The following AIMP1 variants were observed in gnomAD, a reference collection of about 807,000 sequenced individuals.
AIMP1 encodes aminoacyl tRNA synthase complex-interacting multifunctional protein 1.
A neutral mutation model predicts 33.1 loss-of-function variants in AIMP1; 24 were observed. The observed-to-expected ratio is 0.73, with a 90% CI of 0.53 to 1.02. AIMP1 has a LOEUF of 1.02. AIMP1 is among the 50% of genes least tolerant of loss of function. The probability of loss-of-function intolerance (pLI) is 0.00; values close to 1 mark genes in which losing one functional copy is unlikely to be tolerated. For missense variants in AIMP1, 367 were observed against 364.8 expected, an observed-to-expected ratio of 1.01 and a Z score of -0.05; for synonymous variants, 120 against 121.5, an observed-to-expected ratio of 0.99 and a Z score of 0.08.
intron 3 of AIMP1, 140 bp from the exon 4 acceptor site, chr4:106,327,925 CCATTTTATAGT>C: frequency 8.2e-7 from 1 of 1,221,244 alleles, no homozygotes; most frequent in Non-Finnish European, 1.1e-6. Context: ...TTTTTGGCAG[CCATTTTATAGT>C]CTCAGACAGT....
At chr4:106,320,077 T>C (rs868633689) in intron 1 of AIMP1, among the ~76,000 whole-genome samples, 81 of 152,228 alleles carry the variant, frequency 5.3e-4, no homozygotes, top group African/African-American at 2.0e-3. Flanking sequence ...TCTACAAATA[T>C]ATGTAGTTGT....
intron 6 of AIMP1, among the ~76,000 whole-genome samples, chr4:106,341,773 C>T (rs531920413): frequency 6.6e-5 from 10 of 152,228 alleles, no homozygotes; most frequent in African/African-American, 2.2e-4. Context: ...GCTATTTGCA[C>T]TCTTTCCTCA....
At chr4:106,337,424 G>T (rs1343216049) in intron 6 of AIMP1, among the ~76,000 whole-genome samples, 1 of 152,072 alleles carries the variant, frequency 6.6e-6, no homozygotes, top group Non-Finnish European at 1.5e-5. Context: ...AGATCTCATG[G>T]TTTTATAAAA....
intron 1 of AIMP1, among the ~76,000 whole-genome samples, chr4:106,323,769 A>G (rs1297512491): frequency 6.6e-6 from 1 of 152,118 alleles, no homozygotes; most frequent in East Asian, 1.9e-4. Flanking sequence ...CTGATTAGGC[A>G]GAATTGGCAA....
At chr4:106,337,499 T>C (rs1254024802) in intron 6 of AIMP1, among the ~76,000 whole-genome samples, 2 of 152,216 alleles carry the variant, frequency 1.3e-5, no homozygotes, top group Non-Finnish European at 2.9e-5. Context: ...GCTCCTCCTT[T>C]GTCTTCTGCC....
chr4:106,319,594 G>T (rs1442933325), intron 1 of AIMP1, among the ~76,000 whole-genome samples: 1 of 152,166 alleles, frequency 6.6e-6, no homozygotes, highest in East Asian at 1.9e-4. Flanking sequence ...AAAGGAAAAA[G>T]AAAAGGTCTT....
At chr4:106,327,585 T>G (rs1769500379) in intron 3 of AIMP1, 21 bp downstream of exon 3, 2 of 1,574,152 alleles carry the variant, frequency 1.3e-6, no homozygotes, top group Non-Finnish European at 1.7e-6. Flanking sequence ...ATAGAAAATT[T>G]GAGTAATCCA....
intron 6 of AIMP1, among the ~76,000 whole-genome samples, chr4:106,341,613 A>G (rs1174384196): frequency 6.6e-6 from 1 of 151,690 alleles, no homozygotes; most frequent in East Asian, 1.9e-4. Context: ...ATGCAGCTTT[A>G]TTTCTATGTC....
Position 106,336,938 on chromosome 4 carries a change from G to A in AIMP1, c.673G>A (p.Ala225Thr). 1 of 1,614,010 alleles carries A rather than the reference G, an allele frequency of 6.2e-7. No individual in the cohort carries two copies. The highest frequency in any genetic ancestry group is 8.5e-7 in the Non-Finnish European group (1 of 1,179,934). The change falls in exon 6 of 7, where the codon GCA becomes ACA. Residue 225 changes from alanine to threonine, a missense_variant. Coordinates refer to ENST00000672341, the MANE Select transcript of AIMP1 (RefSeq NM_001142416.2). Reference protein sequence around the residue: ...PAKMRGVLSQAMVMCASSPEK... With the variant: ...PAKMRGVLSQTMVMCASSPEK... ...AAAGATGAGGGGAGTATTATCTCAA[G>A]CAATGGTCATGTGTGCTAGTTCACC...
chr4:106,319,523 T>A (rs1769115885), intron 1 of AIMP1, among the ~76,000 whole-genome samples: 1 of 152,200 alleles, frequency 6.6e-6, no homozygotes, highest in African/African-American at 2.4e-5. Flanking sequence ...CAGAATGATT[T>A]AGATAATATG....
intron 5 of AIMP1, among the ~76,000 whole-genome samples, chr4:106,332,263 TA>T (rs1441196792): frequency 6.6e-6 from 1 of 152,014 alleles, no homozygotes; most frequent in Non-Finnish European, 1.5e-5. Flanking sequence ...GGAATACTAT[TA>T]AAAATTACAA....
chr4:106,340,738 C>T (rs1459452487), intron 6 of AIMP1, among the ~76,000 whole-genome samples: 2 of 152,150 alleles, frequency 1.3e-5, no homozygotes, highest in East Asian at 1.9e-4. Context: ...GTGAATAGTG[C>T]TGCAGTGAAC....
intron 1 of AIMP1, among the ~76,000 whole-genome samples, chr4:106,318,105 C>T (rs1013410712): frequency 6.6e-6 from 1 of 152,122 alleles, no homozygotes; most frequent in African/African-American, 2.4e-5. Flanking sequence ...CCTATGTCCT[C>T]ATCAGTAAAG....
intron 6 of AIMP1, among the ~76,000 whole-genome samples, chr4:106,338,126 G>A (rs1769960926): frequency 6.6e-6 from 1 of 152,158 alleles, no homozygotes; most frequent in African/African-American, 2.4e-5. Flanking sequence ...CAAAGACATG[G>A]TTTGGAATTG....
At chr4:106,346,045 T>G (rs953823501) in intron 6 of AIMP1, among the ~76,000 whole-genome samples, 6 of 151,756 alleles carry the variant, frequency 4.0e-5, no homozygotes, top group African/African-American at 1.4e-4. Flanking sequence ...TTTTTTTTAT[T>G]ACCTCCAGGA....
At position 106,342,298 on chromosome 4, in the gene AIMP1, C is replaced by T. The variant is rs1770127895; in HGVS notation, c.773-5228C>T. Among the ~76,000 whole-genome samples the T allele has an allele frequency of 2.6e-5, 4 of 152,128 alleles. No individual in the cohort carries two copies. The South Asian group carries it at 8.3e-4, about 32-fold the overall frequency. ...CTTTTCTTTCTCTTGCCTGATTGCT[C>T]TGTGTAGGACTCCCAGTTCTATGTT... On this transcript the variant is annotated intron_variant, in intron 6 of 6. Transcript: ENST00000672341.
At chr4:106,329,042 C>CTTTTTTTTT (rs33975641) in intron 4 of AIMP1, among the ~76,000 whole-genome samples, 2 of 136,840 alleles carry the variant, frequency 1.5e-5, no homozygotes, top group Non-Finnish European at 3.1e-5. Context: ...AACTTATTTA[C>CTTTTTTTTT]TTTTTTTTTT....
chr4:106,331,258 T>C (rs988081533), intron 4 of AIMP1, among the ~76,000 whole-genome samples: 7 of 152,216 alleles, frequency 4.6e-5, no homozygotes, highest in Non-Finnish European at 7.4e-5. Flanking sequence ...TCTATTATCC[T>C]GTTTCGGGGA....
chr4:106,340,624 C>CT (rs1402393934), intron 6 of AIMP1, among the ~76,000 whole-genome samples: 1 of 152,060 alleles, frequency 6.6e-6, no homozygotes, highest in African/African-American at 2.4e-5. Context: ...ATATTAATTT[C>CT]TTTTTTTAAG....
Sources: gnomAD v4.1 joint callset for allele counts (sites outside exome capture counted in the v4.1 genomes callset) on GRCh38, gnomAD v4.1.1 for gene constraint, MANE v1.5 for transcripts, NCBI Gene and HGNC (gene_info 2026-07-23, HGNC 2026-07-21) for gene names.